The following ETV1 variants were observed in gnomAD, a reference collection of about 807,000 sequenced individuals.
ETV1 encodes the protein ETS translocation variant 1.
A neutral mutation model predicts 62.3 loss-of-function variants in ETV1; 27 were observed. The ratio of observed to expected loss-of-function variants is 0.43; its 90% confidence interval spans 0.32 to 0.60. The LOEUF is 0.60. Ranked by LOEUF, ETV1 falls within the 20% of genes least tolerant of loss-of-function variation. The pLI is 0.06. For missense variants in ETV1, 605 were observed against 605.8 expected, an observed-to-expected ratio of 1.00 and a Z score of 0.01; for synonymous variants, 222 against 199.6, an observed-to-expected ratio of 1.11 and a Z score of -0.94.
intron 5 of ETV1, among the ~76,000 whole-genome samples, chr7:13,980,892 A>G (rs1010825028): frequency 2.6e-5 from 4 of 152,128 alleles, no homozygotes; most frequent in African/African-American, 9.7e-5. Context: ...CTCCTTTTTA[A>G]TTTTAATACT....
chr7:13,930,835 C>CT (rs1786035466), intron 9 of ETV1, among the ~76,000 whole-genome samples: 1 of 151,856 alleles, frequency 6.6e-6, no homozygotes, highest in African/African-American at 2.4e-5. Flanking sequence ...GAGTCTCTCT[C>CT]TGTCACCCAG....
At chr7:13,983,473 C>T (rs1782202997) in intron 5 of ETV1, among the ~76,000 whole-genome samples, 1 of 151,818 alleles carries the variant, frequency 6.6e-6, no homozygotes, top group East Asian at 1.9e-4. Flanking sequence ...TATTTAAACT[C>T]ATTATTTCAT....
chr7:13,935,202 C>T (rs1215489408), intron 8 of ETV1, among the ~76,000 whole-genome samples: 1 of 152,082 alleles, frequency 6.6e-6, no homozygotes, highest in Non-Finnish European at 1.5e-5. Context: ...CAGAGTCATG[C>T]GTCTACTGAT....
In ETV1 at chr7:13,894,310, G is replaced by A. The variant is rs777043824; in HGVS notation, c.*1556C>T. The A allele has an allele frequency of 6.9e-5, 16 of 232,246 alleles. No individual in the cohort carries two copies. The highest frequency in any genetic ancestry group is 1.1e-4 in the Non-Finnish European group (13 of 117,398). 14.4% of individuals were successfully genotyped at this position (232,246 alleles called of 1,614,324 possible). On this transcript the variant is annotated 3_prime_UTR_variant, in exon 14 of 14. Coordinates refer to ENST00000430479, the MANE Select transcript of ETV1 (RefSeq NM_004956.5). ...CCCATTTACTCATGGTTTTTTCAAG[G>A]TGAATGAAACAACATACCCTGCTTT...
intron 9 of ETV1, among the ~76,000 whole-genome samples, chr7:13,914,691 T>C (rs1205189722): frequency 6.6e-6 from 1 of 151,450 alleles, no homozygotes; most frequent in Non-Finnish European, 1.5e-5. Flanking sequence ...CTGGGAAACA[T>C]AATATTGATT....
intron 7 of ETV1, 47 bp downstream of exon 7, chr7:13,939,070 A>G: frequency 6.4e-7 from 1 of 1,568,048 alleles, no homozygotes; most frequent in Non-Finnish European, 8.6e-7. Context: ...GGACTTTTTG[A>G]TTCAATAAGA....
chr7:13,921,005 C>A (rs1368594094), intron 9 of ETV1, among the ~76,000 whole-genome samples: 1 of 152,182 alleles, frequency 6.6e-6, no homozygotes, highest in African/African-American at 2.4e-5. Flanking sequence ...GTCCACAAAT[C>A]ACTGGATGTG....
chr7:13,938,944 T>G (rs899427640), intron 7 of ETV1, among the ~76,000 whole-genome samples, 173 bp downstream of exon 7: 2 of 152,194 alleles, frequency 1.3e-5, no homozygotes, highest in Non-Finnish European at 2.9e-5. Flanking sequence ...GAATCCAAAG[T>G]GTGTGATTGG....
Position 13,891,947 on chromosome 7 carries a change from T to C in ETV1, c.*3919A>G, listed in dbSNP as rs1035180539. The C allele has an allele frequency of 2.0e-4, 46 of 231,838 alleles. No individual in the cohort carries two copies. The highest frequency in any genetic ancestry group is 8.6e-4 in the African/African-American group (39 of 45,286). The allele number at this position is 231,838 out of a possible 1,614,324, so 14.4% of individuals were successfully genotyped here. A position where few individuals can be genotyped will look rare whatever the true frequency, so the allele number is the denominator to read the frequency against. On this transcript the variant is annotated 3_prime_UTR_variant, in exon 14 of 14. Coordinates refer to ENST00000430479, the MANE Select transcript of ETV1 (RefSeq NM_004956.5). ...CTTCTCCTCTGTAATGTTTTCTCAT[T>C]ACAAGCTCTGAAAAGGCTGCATGAT...
chr7:13,894,847 T>C lies in ETV1; in HGVS notation c.*1019A>G. 4.3e-6 allele frequency: 1 copy of C among 232,828 alleles called. No individual in the cohort carries two copies. The highest frequency in any genetic ancestry group is 8.5e-6 in the Non-Finnish European group (1 of 117,574). 14.4% of individuals were successfully genotyped at this position (232,828 alleles called of 1,614,324 possible). On this transcript the variant is annotated 3_prime_UTR_variant, in exon 14 of 14. Transcript: ENST00000430479. ...AATGCATATCAATGGGTACCATGTC[T>C]AAAAATTACTATAGTACCTATTTAG...
intron 12 of ETV1, among the ~76,000 whole-genome samples, chr7:13,902,855 T>C (rs779988562): frequency 6.6e-6 from 1 of 152,200 alleles, no homozygotes; most frequent in Non-Finnish European, 1.5e-5. Flanking sequence ...TTGATACTTA[T>C]CATGCCAGTT....
intron 6 of ETV1, among the ~76,000 whole-genome samples, chr7:13,944,512 T>A (rs566906867): frequency 1.3e-5 from 2 of 151,324 alleles, no homozygotes; most frequent in Non-Finnish European, 2.9e-5. Flanking sequence ...CCAAATACCA[T>A]CACACTGGGG....
Position 13,909,655 on chromosome 7 carries a change from C to A in ETV1, c.917G>T (p.Cys306Phe). 6.2e-7 allele frequency: 1 copy of A among 1,613,520 alleles called. No homozygotes were observed. The highest frequency in any genetic ancestry group is 8.5e-7 in the Non-Finnish European group (1 of 1,179,560). Reference protein sequence around the residue: ...KGPRQFYDDTCVVPEKFDGDI... With the variant: ...KGPRQFYDDTFVVPEKFDGDI... ...ACCATCGAATTTTTCTGGGACAACACAGGTGTCATCATAAAACTGCCTGGG... is the reference window on the plus strand; with the variant it reads ...ACCATCGAATTTTTCTGGGACAACAAAGGTGTCATCATAAAACTGCCTGGG... The change falls in exon 11 of 14, where the codon TGT becomes TTT. Residue 306 changes from cysteine to phenylalanine, a missense_variant. By Grantham distance (205) the Cys-to-Phe change is radical. Around this residue, in one of 3 missense-constraint regions of ETV1, gnomAD observed 100 missense variants for 156.4 expected, o/e 0.64. Transcript: ENST00000430479.
In ETV1 at chr7:13,896,710, A is replaced by G. The variant is rs545043255; in HGVS notation, c.1213-623T>C. Among the ~76,000 whole-genome samples the G allele has an allele frequency of 1.3e-3, 189 of 150,176 alleles. 2 individuals carry two copies. The highest frequency in any genetic ancestry group is 4.5e-3 in the African/African-American group (185 of 40,878). On this transcript the variant is annotated intron_variant, in intron 13 of 13. Transcript: ENST00000430479. ...AAGAAAAGAGAGAGAGAAAGAAAGA[A>G]AGGAGAGAGAAAGAAAAAGAAAAAG...
At chr7:13,938,620 CAGA>C (rs909831231) in intron 7 of ETV1, among the ~76,000 whole-genome samples, 9 of 152,172 alleles carry the variant, frequency 5.9e-5, no homozygotes, top group African/African-American at 2.2e-4. Flanking sequence ...TTATTATCAT[CAGA>C]AGAACAACCA....
In ETV1 at chr7:13,909,172, C is replaced by T. The variant is rs139367898; in HGVS notation, c.940+460G>A. On this transcript the variant is annotated intron_variant, in intron 11 of 13. Transcript: ENST00000430479. ...AAAAAAAGGGACTAACAATCACTAACTAAATGGGCAGTTATGTTGTTCCTG... is the reference window on the plus strand; with the variant it reads ...AAAAAAAGGGACTAACAATCACTAATTAAATGGGCAGTTATGTTGTTCCTG... 6.0e-3 allele frequency among the ~76,000 whole-genome samples: 897 copies of T among 148,374 alleles called. 5 individuals are homozygous for T. The highest frequency in any genetic ancestry group is 0.018 in the African/African-American group (744 of 40,568).
chr7:13,954,059 G>T (rs904284589), intron 6 of ETV1, among the ~76,000 whole-genome samples: 2 of 152,052 alleles, frequency 1.3e-5, no homozygotes, highest in African/African-American at 4.8e-5. Context: ...CATTGCCATA[G>T]AAGACTACCA....
intron 6 of ETV1, among the ~76,000 whole-genome samples, chr7:13,967,490 T>C (rs1440682353): frequency 1.3e-5 from 2 of 152,136 alleles, no homozygotes; most frequent in Non-Finnish European, 2.9e-5. Flanking sequence ...ATTCCTGATA[T>C]ATTGCCAATA....
intron 13 of ETV1, among the ~76,000 whole-genome samples, chr7:13,899,740 A>C (rs970196016): frequency 6.6e-6 from 1 of 152,100 alleles, no homozygotes; most frequent in African/African-American, 2.4e-5. Context: ...ACAAATATCC[A>C]CGTTTTATCT....
Sources: gnomAD v4.1 joint callset for allele counts (sites outside exome capture counted in the v4.1 genomes callset) on GRCh38, gnomAD v4.1.1 for gene constraint, gnomAD v4.1.1 regional missense constraint, MANE v1.5 for transcripts, NCBI Gene and HGNC (gene_info 2026-07-23, HGNC 2026-07-21) for gene names.